Variants in MED12L observed in about 807,000 individuals in gnomAD.
MED12L encodes the protein mediator complex subunit 12L.
Under a neutral mutation model 281.3 loss-of-function variants are expected in MED12L, and 60 were observed. The ratio of observed to expected loss-of-function variants is 0.21; its 90% CI spans 0.17 to 0.26. The LOEUF (loss-of-function observed/expected upper bound fraction) is 0.26, where lower values mean the gene tolerates loss of function less well. Among genes scored for constraint, MED12L ranks in the 10% least tolerant of loss-of-function variants. The probability of loss-of-function intolerance (pLI) is 1.00; values close to 1 mark genes in which losing one functional copy is unlikely to be tolerated. For missense variants in MED12L, 2,146 were observed against 2,680.9 expected (o/e 0.80, Z 4.41); for synonymous variants, 974 against 987.2 (o/e 0.99, Z 0.25).
At chr3:151,183,449 G>C (rs760631066) in intron 11 of MED12L, among the ~76,000 whole-genome samples, 96 of 152,354 alleles carry the variant, frequency 6.3e-4, no homozygotes, top group Middle Eastern at 3.4e-3. Flanking sequence ...TGCCTTTTCA[G>C]AATCGTGTGT....
intron 16 of MED12L, chr3:151,198,350 T>G: frequency 7.3e-6 from 8 of 1,093,214 alleles, no homozygotes; most frequent in Admixed American, 2.7e-5. Context: ...TTGTTTTTTT[T>G]TTTTTTATCT....
intron 3 of MED12L, among the ~76,000 whole-genome samples, chr3:151,120,496 A>G (rs1372068042): frequency 1.3e-5 from 2 of 152,242 alleles, no homozygotes; most frequent in Non-Finnish European, 2.9e-5. Context: ...CATTAATGGT[A>G]GCTTGATTAA....
At position 151,435,276 on chromosome 3, in the gene MED12L, A is replaced by C. The variant is rs539968175; in HGVS notation, c.*2472A>C. The C allele has an allele frequency of 1.3e-5, 2 of 152,198 alleles. No individual in the cohort carries two copies. The highest frequency in any genetic ancestry group is 1.3e-4 in the Admixed American group (2 of 15,302). 9.4% of individuals were successfully genotyped at this position (152,198 alleles called of 1,614,324 possible). ...TATCAATCAATCACAGTTCTTGGAT[A>C]TAAGAAGCCCATAGACTCTCTTGTT... On this transcript the variant is annotated 3_prime_UTR_variant, in exon 45 of 45. Coordinates refer to ENST00000687756, the MANE Select transcript of MED12L (RefSeq NM_001393769.1).
intron 43 of MED12L, among the ~76,000 whole-genome samples, chr3:151,416,701 T>G (rs540368025): frequency 5.3e-5 from 8 of 152,338 alleles, no homozygotes; most frequent in Admixed American, 5.2e-4. Flanking sequence ...GACGTGGTCT[T>G]TTTTTCCTAA....
At chr3:151,395,852 T>G (rs967306949) in intron 39 of MED12L, among the ~76,000 whole-genome samples, 7 of 152,256 alleles carry the variant, frequency 4.6e-5, no homozygotes, top group Admixed American at 1.3e-4. Context: ...ATATTCTTTG[T>G]CTTTTGGATA....
rs1719912127 is a variant in MED12L, at chr3:151,434,784, AC to A, written c.*1981del. The stretch of plus-strand genomic sequence containing the variant: ...GCTCAGCATTGCAAACAACAGTAAT[AC>A]TGTTTTAAGAATGAGTGTTATAATT... On this transcript the variant is annotated 3_prime_UTR_variant, in exon 45 of 45. Transcript: ENST00000687756. 6.6e-6 allele frequency: 1 copy of A among 152,240 alleles called. No homozygotes were observed. Among genetic ancestry groups the A allele is most frequent in the Non-Finnish European group, 1.5e-5 (1 of 68,030 alleles). 9.4% of individuals were successfully genotyped at this position (152,240 alleles called of 1,614,324 possible).
chr3:151,171,826 G>C (rs1270755343), intron 11 of MED12L, among the ~76,000 whole-genome samples: 1 of 152,214 alleles, frequency 6.6e-6, no homozygotes, highest in Non-Finnish European at 1.5e-5. Flanking sequence ...CTTTCTGTCA[G>C]TGCTGGGCTT....
chr3:151,390,202 C>A, intron 38 of MED12L, 67 bp downstream of exon 38: 2 of 1,495,946 alleles, frequency 1.3e-6, no homozygotes, highest in African/African-American at 1.4e-5. Flanking sequence ...TTGCTTTTAA[C>A]CTGAAACCTC....
intron 16 of MED12L, among the ~76,000 whole-genome samples, chr3:151,233,486 C>T (rs561002986): frequency 3.3e-5 from 5 of 152,216 alleles, no homozygotes; most frequent in Admixed American, 6.5e-5. Flanking sequence ...GTAATCCCAA[C>T]ACTTTGGGAG....
intron 5 of MED12L, 98 bp downstream of exon 5, chr3:151,128,082 GAGA>G (rs1340794679): frequency 9.2e-7 from 1 of 1,088,548 alleles, no homozygotes; most frequent in East Asian, 2.4e-5. Flanking sequence ...GGTGAGTGTT[GAGA>G]AGGTCCGTGG....
intron 16 of MED12L, among the ~76,000 whole-genome samples, chr3:151,215,789 C>A (rs1340058028): frequency 6.6e-6 from 1 of 152,206 alleles, no homozygotes; most frequent in Non-Finnish European, 1.5e-5. Flanking sequence ...ATGTTGAAGT[C>A]CTTTCTTGTT....
At chr3:151,368,590 A>G (rs190448906) in intron 25 of MED12L, among the ~76,000 whole-genome samples, 105 of 58,762 alleles carry the variant, frequency 1.8e-3, no homozygotes, top group African/African-American at 9.9e-3. Flanking sequence ...ATGGTGATTT[A>G]TTTTATTTTA....
intron 16 of MED12L, among the ~76,000 whole-genome samples, chr3:151,346,905 T>C (rs1216609419): frequency 1.3e-5 from 2 of 152,198 alleles, no homozygotes; most frequent in Admixed American, 6.5e-5. Context: ...AGTTCCCTGC[T>C]GTTATAATGT....
intron 16 of MED12L, chr3:151,316,634 A>T (rs1211832528): frequency 6.6e-6 from 1 of 152,202 alleles, no homozygotes; most frequent in Non-Finnish European, 1.5e-5. Context: ...GGTGTCTTCA[A>T]GTTGAAACAG....
At chr3:151,158,642 T>A (rs1427170472) in intron 6 of MED12L, 47 bp from the exon 7 acceptor site, 1 of 1,342,324 alleles carries the variant, frequency 7.4e-7, no homozygotes, top group Admixed American at 1.8e-5. Context: ...CCTTTTTTGT[T>A]TTTTTTCTTT....
Position 151,182,751 on chromosome 3 carries a change from T to C in MED12L, c.1495-2579T>C, listed in dbSNP as rs886292585. Among the ~76,000 whole-genome samples the C allele has an allele frequency of 3.3e-5, 5 of 152,110 alleles. No individual in the cohort carries two copies. The South Asian group carries it at 6.2e-4, about 19-fold the overall frequency. ...GAGAAAGTTCACAGGACAAGAAATG[T>C]ATTTGAGGGGTAAGATGAGCTTAGT... On this transcript the variant is annotated intron_variant, in intron 11 of 44. Coordinates refer to ENST00000687756, the MANE Select transcript of MED12L (RefSeq NM_001393769.1).
chr3:151,122,656 C>T (rs370934790), intron 3 of MED12L, 127 bp from the exon 4 acceptor site: 1 of 655,968 alleles, frequency 1.5e-6, no homozygotes, highest in African/African-American at 1.9e-5. Context: ...GACTTAAATT[C>T]CCAATTTATT....
At chr3:151,239,714 G>T (rs1733688207) in intron 16 of MED12L, among the ~76,000 whole-genome samples, 1 of 152,096 alleles carries the variant, frequency 6.6e-6, no homozygotes, top group African/African-American at 2.4e-5. Flanking sequence ...CCAAAAATTT[G>T]AGAATTCTTG....
chr3:151,251,080 T>G (rs192446010), intron 16 of MED12L, among the ~76,000 whole-genome samples: 63 of 152,348 alleles, frequency 4.1e-4, no homozygotes, highest in African/African-American at 1.4e-3. Context: ...CCTCCATGAT[T>G]AAGGGCTTGC....
Sources: gnomAD v4.1 joint callset for allele counts (sites outside exome capture counted in the v4.1 genomes callset) on GRCh38, gnomAD v4.1.1 for gene constraint, MANE v1.5 for transcripts, NCBI Gene and HGNC (gene_info 2026-07-23, HGNC 2026-07-21) for gene names.